GHR: variants seen among roughly 807,000 people sequenced by gnomAD.
The protein encoded by GHR is growth hormone receptor.
A neutral mutation model predicts 67.1 loss-of-function variants in GHR; 35 were observed. The observed-to-expected ratio is 0.52, with a 90% confidence interval of 0.40 to 0.69. The LOEUF (loss-of-function observed/expected upper bound fraction) is 0.69, where lower values mean the gene tolerates loss of function less well. Ranked by LOEUF, GHR falls within the 30% of genes least tolerant of loss-of-function variation. GHR has a pLI of 0.00. For missense variants in GHR, 792 were observed against 764.6 expected, an observed-to-expected ratio of 1.04 and a Z score of -0.42; for synonymous variants, 272 against 269.1, an observed-to-expected ratio of 1.01 and a Z score of -0.10.
At chr5:42,679,418 A>T (rs1756745700) in intron 3 of GHR, among the ~76,000 whole-genome samples, 1 of 151,618 alleles carries the variant, frequency 6.6e-6, no homozygotes, top group South Asian at 2.1e-4. Context: ...CGAGGTCAAG[A>T]GATTGAGACC....
intron 1 of GHR, among the ~76,000 whole-genome samples, chr5:42,442,817 A>G (rs538724808): frequency 3.8e-4 from 58 of 152,374 alleles, no homozygotes; most frequent in Non-Finnish European, 6.2e-4. Context: ...AAGTTAGACA[A>G]AAACAAAAAA....
chr5:42,607,147 A>T (rs933253779), intron 2 of GHR, among the ~76,000 whole-genome samples: 9 of 151,876 alleles, frequency 5.9e-5, no homozygotes, highest in African/African-American at 2.2e-4. Context: ...CTTCCCCTTC[A>T]CCTTCCACCA....
intron 1 of GHR, among the ~76,000 whole-genome samples, chr5:42,477,600 T>G (rs904305105): frequency 1.3e-5 from 2 of 152,216 alleles, no homozygotes; most frequent in African/African-American, 4.8e-5. Context: ...TGGTATCTCA[T>G]AGTGGTTTTG....
intron 3 of GHR, among the ~76,000 whole-genome samples, chr5:42,667,295 A>T (rs746792040): frequency 2.6e-5 from 4 of 152,154 alleles, no homozygotes; most frequent in Non-Finnish European, 5.9e-5. Flanking sequence ...CACAGTCAAC[A>T]TCCTCTTATA....
intron 2 of GHR, among the ~76,000 whole-genome samples, chr5:42,604,417 C>T (rs769833060): frequency 6.6e-6 from 1 of 152,180 alleles, no homozygotes; most frequent in Non-Finnish European, 1.5e-5. Context: ...GGGAATGGGG[C>T]AGGACCTTTT....
intron 1 of GHR, among the ~76,000 whole-genome samples, chr5:42,530,840 T>A (rs1307341251): frequency 6.6e-6 from 1 of 152,220 alleles, no homozygotes; most frequent in Non-Finnish European, 1.5e-5. Context: ...TTGAAACTGT[T>A]CTGCTCATCT....
intron 6 of GHR, among the ~76,000 whole-genome samples, chr5:42,705,373 G>C (rs1235982816): frequency 6.6e-6 from 1 of 151,792 alleles, no homozygotes; most frequent in African/African-American, 2.4e-5. Flanking sequence ...TTCCATTTTT[G>C]TCTCAAGATA....
chr5:42,580,301 A>T (rs1383466715), intron 2 of GHR, among the ~76,000 whole-genome samples: 1 of 152,194 alleles, frequency 6.6e-6, no homozygotes, highest in Admixed American at 6.5e-5. Flanking sequence ...TGAACAAAAG[A>T]GATAAAAACC....
chr5:42,642,468 C>T (rs1754528553), intron 3 of GHR, among the ~76,000 whole-genome samples: 1 of 152,030 alleles, frequency 6.6e-6, no homozygotes, highest in African/African-American at 2.4e-5. Context: ...CAGGGGACTT[C>T]GTTGGTGAGT....
chr5:42,513,314 G>C (rs1216682084), intron 1 of GHR, among the ~76,000 whole-genome samples: 1 of 152,164 alleles, frequency 6.6e-6, no homozygotes, highest in Non-Finnish European at 1.5e-5. Context: ...CGCAGCTTTT[G>C]CTGAGAACCC....
At chr5:42,467,824 G>T (rs1001515944) in intron 1 of GHR, 1 of 1,265,764 alleles carries the variant, frequency 7.9e-7, no homozygotes. Flanking sequence ...GCCCAAGCTG[G>T]GTTTTCGGAT....
intron 1 of GHR, among the ~76,000 whole-genome samples, chr5:42,523,494 A>T (rs992238076): frequency 5.3e-5 from 8 of 152,076 alleles, no homozygotes; most frequent in Non-Finnish European, 1.2e-4. Context: ...GTGATCTGTG[A>T]TGAGTGACGT....
At chr5:42,471,303 A>T (rs1745001784) in intron 1 of GHR, among the ~76,000 whole-genome samples, 1 of 152,216 alleles carries the variant, frequency 6.6e-6, no homozygotes, top group African/African-American at 2.4e-5. Flanking sequence ...AACTCAAGGC[A>T]TCCACTCTAT....
intron 2 of GHR, among the ~76,000 whole-genome samples, chr5:42,590,432 C>T (rs1751713500): frequency 6.6e-6 from 1 of 152,130 alleles, no homozygotes; most frequent in Non-Finnish European, 1.5e-5. Context: ...CTTTTATTTT[C>T]TTCCTTCCAT....
At chr5:42,643,718 G>A (rs1208735610) in intron 3 of GHR, among the ~76,000 whole-genome samples, 2 of 140,548 alleles carry the variant, frequency 1.4e-5, no homozygotes, top group Non-Finnish European at 3.1e-5. Context: ...AATACATTAT[G>A]CCTTTTTTTT....
At chr5:42,560,985 T>C (rs188359999) in intron 1 of GHR, among the ~76,000 whole-genome samples, 111 of 152,354 alleles carry the variant, frequency 7.3e-4, no homozygotes, top group African/African-American at 2.5e-3. Context: ...TTCAGAATGC[T>C]GTTTTAATCT....
At chr5:42,449,635 C>T (rs1036900422) in intron 1 of GHR, among the ~76,000 whole-genome samples, 6 of 152,130 alleles carry the variant, frequency 3.9e-5, no homozygotes, top group Non-Finnish European at 7.3e-5. Flanking sequence ...ATTTCTTTCT[C>T]TTGTCTAATC....
chr5:42,646,334 TG>T (rs1486300157), intron 3 of GHR: 6 of 454,730 alleles, frequency 1.3e-5, no homozygotes, highest in Non-Finnish European at 2.2e-5. Context: ...CTTTGCAGGA[TG>T]GGGTCCATGC....
intron 1 of GHR, among the ~76,000 whole-genome samples, chr5:42,562,319 C>G (rs1346269298): frequency 1.3e-5 from 2 of 152,134 alleles, no homozygotes; most frequent in Admixed American, 6.5e-5. Context: ...ATCATTCCCA[C>G]TGAGCCAACA....
Sources: gnomAD v4.1 joint callset for allele counts (sites outside exome capture counted in the v4.1 genomes callset) on GRCh38, gnomAD v4.1.1 for gene constraint, MANE v1.5 for transcripts, NCBI Gene and HGNC (gene_info 2026-07-23, HGNC 2026-07-21) for gene names.